MOB3B: variants seen among roughly 807,000 people sequenced by gnomAD.
MOB3B encodes the protein MOB kinase activator-like 2B.
In MOB3B, 7 loss-of-function variants were observed where a neutral mutation model predicts 18.7. The observed-to-expected ratio is 0.37, with a 90% CI of 0.21 to 0.70. MOB3B has a LOEUF of 0.70. MOB3B is among the 30% of genes least tolerant of loss of function. The pLI is 0.52. For synonymous variants in MOB3B, 111 were observed against 99.9 expected (o/e 1.11, Z -0.66); for missense variants, 253 against 281.3 (o/e 0.90, Z 0.72).
intron 2 of MOB3B, among the ~76,000 whole-genome samples, chr9:27,363,380 T>G (rs1242711573): frequency 2.6e-5 from 4 of 152,148 alleles, no homozygotes; most frequent in Non-Finnish European, 5.9e-5. Flanking sequence ...GCCATTCTCC[T>G]GCCTCAGCCT....
intron 2 of MOB3B, among the ~76,000 whole-genome samples, chr9:27,371,614 A>G (rs1396161763): frequency 6.6e-6 from 1 of 152,236 alleles, no homozygotes; most frequent in Non-Finnish European, 1.5e-5. Context: ...TATGTCTTAA[A>G]CAAGATATCA....
intron 1 of MOB3B, among the ~76,000 whole-genome samples, chr9:27,480,467 T>C (rs1425882587): frequency 6.6e-6 from 1 of 151,942 alleles, no homozygotes; most frequent in Non-Finnish European, 1.5e-5. Flanking sequence ...GCTCGGCTAA[T>C]TTTTTGCATT....
At chr9:27,525,808 C>T (rs913776404) in intron 1 of MOB3B, among the ~76,000 whole-genome samples, 4 of 152,194 alleles carry the variant, frequency 2.6e-5, no homozygotes, top group East Asian at 3.8e-4. Flanking sequence ...AGTTAGAAGA[C>T]TACATTCTGT....
intron 3 of MOB3B, among the ~76,000 whole-genome samples, chr9:27,349,561 T>G (rs912131302): frequency 6.6e-6 from 1 of 152,228 alleles, no homozygotes; most frequent in African/African-American, 2.4e-5. Context: ...ATTTACATTT[T>G]CATGTAAATG....
intron 1 of MOB3B, among the ~76,000 whole-genome samples, chr9:27,458,452 A>G (rs1483955529): frequency 2.4e-4 from 37 of 151,990 alleles, no homozygotes; most frequent in Admixed American, 2.4e-3. Context: ...AATAAATATT[A>G]AAACACTGTT....
intron 2 of MOB3B, among the ~76,000 whole-genome samples, chr9:27,454,703 T>C (rs1426134968): frequency 1.3e-5 from 2 of 152,252 alleles, no homozygotes; most frequent in Non-Finnish European, 2.9e-5. Flanking sequence ...ACCCCCAGTT[T>C]GTTTGATCCC....
chr9:27,499,311 T>C (rs1454123610), intron 1 of MOB3B, among the ~76,000 whole-genome samples: 1 of 152,190 alleles, frequency 6.6e-6, no homozygotes, highest in African/African-American at 2.4e-5. Context: ...CCTGTCTCTT[T>C]ATGATTCAAC....
chr9:27,506,323 A>G (rs1820058262), intron 1 of MOB3B, among the ~76,000 whole-genome samples: 1 of 152,128 alleles, frequency 6.6e-6, no homozygotes, highest in African/African-American at 2.4e-5. Flanking sequence ...CTATCTTTCA[A>G]CTACTACTCA....
At chr9:27,347,877 C>G (rs1821051763) in intron 3 of MOB3B, among the ~76,000 whole-genome samples, 1 of 152,194 alleles carries the variant, frequency 6.6e-6, no homozygotes, top group African/African-American at 2.4e-5. Flanking sequence ...ACCACATAGC[C>G]TAGGTGTGTA....
At chr9:27,484,107 T>C (rs1819701540) in intron 1 of MOB3B, among the ~76,000 whole-genome samples, 1 of 152,210 alleles carries the variant, frequency 6.6e-6, no homozygotes, top group Non-Finnish European at 1.5e-5. Flanking sequence ...AAGTGAGAAT[T>C]GTTACCTGCA....
intron 2 of MOB3B, among the ~76,000 whole-genome samples, chr9:27,376,643 G>T (rs1480563108): frequency 6.6e-6 from 1 of 152,226 alleles, no homozygotes; most frequent in Non-Finnish European, 1.5e-5. Flanking sequence ...TGAATCTGAA[G>T]TTCCTCAGAT....
intron 2 of MOB3B, among the ~76,000 whole-genome samples, chr9:27,376,102 C>G (rs41272865): frequency 3.7e-4 from 56 of 152,298 alleles, no homozygotes; most frequent in Non-Finnish European, 3.7e-4. Flanking sequence ...CAATTAGAGT[C>G]ATACTAAATA....
At chr9:27,370,043 G>A (rs542146889) in intron 2 of MOB3B, among the ~76,000 whole-genome samples, 5 of 151,300 alleles carry the variant, frequency 3.3e-5, no homozygotes, top group South Asian at 2.1e-4. Context: ...AGCAGAACAC[G>A]GTGGTTCTCC....
At chr9:27,377,355 C>G (rs560200205) in intron 2 of MOB3B, among the ~76,000 whole-genome samples, 1 of 152,222 alleles carries the variant, frequency 6.6e-6, no homozygotes. Context: ...CAGGATGAGA[C>G]GATGAGTCAT....
intron 2 of MOB3B, among the ~76,000 whole-genome samples, chr9:27,387,889 G>A (rs991344701): frequency 1.3e-5 from 2 of 152,104 alleles, no homozygotes; most frequent in Non-Finnish European, 2.9e-5. Flanking sequence ...ACCACAAGGG[G>A]TTAACATGTC....
intron 1 of MOB3B, among the ~76,000 whole-genome samples, chr9:27,515,386 T>C (rs1158683451): frequency 1.3e-5 from 2 of 152,176 alleles, no homozygotes; most frequent in Non-Finnish European, 1.5e-5. Flanking sequence ...CAGACAGACC[T>C]GGGCTGGAAT....
chr9:27,448,887 T>A (rs1403538370), intron 2 of MOB3B, among the ~76,000 whole-genome samples: 3 of 152,166 alleles, frequency 2.0e-5, no homozygotes, highest in African/African-American at 7.2e-5. Flanking sequence ...ACTTTTCCCA[T>A]CCTCTTGAAG....
chr9:27,342,148 A>T (rs971130970), intron 3 of MOB3B, among the ~76,000 whole-genome samples: 1 of 152,176 alleles, frequency 6.6e-6, no homozygotes, highest in African/African-American at 2.4e-5. Context: ...CCCGGCATTT[A>T]GCATGGGGGT....
intron 1 of MOB3B, among the ~76,000 whole-genome samples, chr9:27,483,118 T>A (rs1819685129): frequency 6.8e-6 from 1 of 146,346 alleles, no homozygotes; most frequent in Non-Finnish European, 1.5e-5. Flanking sequence ...TCTACAAATA[T>A]ACGGTACTTT....
Sources: allele counts gnomAD v4.1 joint callset (sites outside exome capture counted in the v4.1 genomes callset), GRCh38; gene constraint gnomAD v4.1.1; transcripts MANE v1.5; gene names NCBI Gene and HGNC (gene_info 2026-07-23, HGNC 2026-07-21).